Variants in LDB2 observed in about 807,000 individuals in gnomAD.
LDB2 encodes the protein LIM domain-binding protein 2.
A neutral mutation model predicts 44.3 loss-of-function variants in LDB2; 12 were observed. The ratio of observed to expected loss-of-function variants is 0.27; its 90% CI spans 0.17 to 0.44. The LOEUF is 0.44. Among genes scored for constraint, LDB2 ranks in the 20% least tolerant of loss-of-function variants. LDB2 has a pLI of 1.00. For missense variants in LDB2, 344 were observed against 473.5 expected, an observed-to-expected ratio of 0.73 and a Z score of 2.54; for synonymous variants, 164 against 174.8, an observed-to-expected ratio of 0.94 and a Z score of 0.49.
At chr4:16,737,927 C>A (rs1403684458) in intron 2 of LDB2, among the ~76,000 whole-genome samples, 2 of 152,126 alleles carry the variant, frequency 1.3e-5, no homozygotes, top group Non-Finnish European at 2.9e-5. Flanking sequence ...AATGGAGGGA[C>A]TTTAGAATAA....
chr4:16,770,562 G>A (rs944666049), intron 1 of LDB2, among the ~76,000 whole-genome samples: 31 of 152,050 alleles, frequency 2.0e-4, no homozygotes, highest in African/African-American at 6.5e-4. Flanking sequence ...GGAAACTGAG[G>A]CCCCAAGCGG....
intron 7 of LDB2, 27 bp downstream of exon 7, chr4:16,508,508 C>G (rs9993371): frequency 3.7e-4 from 559 of 1,494,800 alleles, no homozygotes; most frequent in Non-Finnish European, 4.7e-4. Context: ...GTTAGGATTT[C>G]GGGCCTAAGA....
At chr4:16,595,934 A>G (rs1391304699) in intron 2 of LDB2, 59 bp from the exon 3 acceptor site, 2 of 1,514,662 alleles carry the variant, frequency 1.3e-6, no homozygotes, top group African/African-American at 1.4e-5. Flanking sequence ...AGCCCCACAC[A>G]CCCAACACCA....
chr4:16,534,404 C>T (rs1357401789), intron 5 of LDB2, among the ~76,000 whole-genome samples: 1 of 152,156 alleles, frequency 6.6e-6, no homozygotes, highest in Non-Finnish European at 1.5e-5. Flanking sequence ...TTTCCATTCC[C>T]CTCCTAAACA....
intron 2 of LDB2, among the ~76,000 whole-genome samples, chr4:16,745,002 C>G (rs1764104760): frequency 6.6e-6 from 1 of 152,158 alleles, no homozygotes; most frequent in African/African-American, 2.4e-5. Context: ...CAGATAGACA[C>G]TATTTTCATT....
At chr4:16,656,678 C>T (rs575184653) in intron 2 of LDB2, among the ~76,000 whole-genome samples, 1 of 152,144 alleles carries the variant, frequency 6.6e-6, no homozygotes, top group Non-Finnish European at 1.5e-5. Flanking sequence ...GTTGAATACA[C>T]ACATGCTTTG....
At chr4:16,737,474 T>G (rs962847712) in intron 2 of LDB2, among the ~76,000 whole-genome samples, 5 of 152,148 alleles carry the variant, frequency 3.3e-5, no homozygotes, top group Non-Finnish European at 7.3e-5. Flanking sequence ...ATTCGATGTG[T>G]ACACAAAAAA....
At chr4:16,600,693 T>G (rs1305021234) in intron 2 of LDB2, among the ~76,000 whole-genome samples, 1 of 152,154 alleles carries the variant, frequency 6.6e-6, no homozygotes, top group Non-Finnish European at 1.5e-5. Flanking sequence ...GTTGTTCTAT[T>G]TTGTTTACAT....
intron 2 of LDB2, among the ~76,000 whole-genome samples, chr4:16,700,517 C>T (rs559293329): frequency 5.5e-4 from 83 of 152,244 alleles, no homozygotes; most frequent in Non-Finnish European, 8.8e-4. Flanking sequence ...TAAAAACATC[C>T]GGTGTGTTTA....
chr4:16,566,482 AAAC>A (rs1744564848), intron 5 of LDB2, among the ~76,000 whole-genome samples: 2 of 152,132 alleles, frequency 1.3e-5, no homozygotes, highest in South Asian at 4.1e-4. Context: ...CTGAGTAACT[AAAC>A]AGTTTCCTCT....
intron 7 of LDB2, chr4:16,505,924 T>C: frequency 6.4e-7 from 1 of 1,551,670 alleles, no homozygotes; most frequent in South Asian, 1.2e-5. Context: ...TGCTGTTGAA[T>C]GACACAGGTC....
intron 2 of LDB2, among the ~76,000 whole-genome samples, chr4:16,707,277 T>G (rs157614): frequency 1.3e-5 from 2 of 151,938 alleles, no homozygotes; most frequent in Non-Finnish European, 2.9e-5. Context: ...TATCTTTCTA[T>G]TATACACATT....
intron 2 of LDB2, among the ~76,000 whole-genome samples, chr4:16,740,665 G>A (rs887062564): frequency 1.3e-5 from 2 of 152,206 alleles, no homozygotes; most frequent in Non-Finnish European, 2.9e-5. Context: ...TTCCATTGGA[G>A]AACTGTGTTC....
chr4:16,651,606 G>A (rs762951171), intron 2 of LDB2, among the ~76,000 whole-genome samples: 9 of 151,150 alleles, frequency 6.0e-5, no homozygotes, highest in South Asian at 2.1e-4. Context: ...TAATGTCTAC[G>A]CTTATAATAA....
intron 1 of LDB2, among the ~76,000 whole-genome samples, chr4:16,846,113 C>CAAAA (rs374522770): frequency 1.8e-5 from 2 of 111,794 alleles, no homozygotes; most frequent in South Asian, 3.1e-4. Flanking sequence ...GACTCTGTCT[C>CAAAA]AAAAAAAAAA....
rs112962985 is a variant in LDB2 at position 16,764,525 on chromosome 4, CAAA to C, written c.133-5268_133-5266del. On this transcript the variant is annotated intron_variant, in intron 1 of 7. Coordinates refer to ENST00000304523, the MANE Select transcript of LDB2 (RefSeq NM_001290.5). ...CCTTATGAGTTATGGACAATCACTA[CAAA>C]AAAAAAAAAAAATCATTCCCTCCAT... Among the ~76,000 whole-genome samples the C allele has an allele frequency of 7.5e-3, 819 of 109,886 alleles. 14 individuals carry two copies. Among genetic ancestry groups the C allele is most frequent in the African/African-American group, 0.021 (749 of 36,338 alleles). The allele number at this position is 109,886 out of a possible 152,430, so 72.1% of individuals were successfully genotyped here. A position where few individuals can be genotyped will look rare whatever the true frequency, so the allele number is the denominator to read the frequency against.
intron 5 of LDB2, among the ~76,000 whole-genome samples, chr4:16,548,950 A>G (rs1736723481): frequency 6.6e-6 from 1 of 152,236 alleles, no homozygotes; most frequent in Admixed American, 6.5e-5. Context: ...CCCAAGACCT[A>G]TGCCTGGAAG....
chr4:16,535,096 G>A (rs747093800), intron 5 of LDB2, among the ~76,000 whole-genome samples: 1 of 152,214 alleles, frequency 6.6e-6, no homozygotes, highest in Non-Finnish European at 1.5e-5. Context: ...TGCATCTGGA[G>A]CAAGGGGCTT....
At chr4:16,504,268 G>T (rs1190210541) in intron 7 of LDB2, among the ~76,000 whole-genome samples, 1 of 152,172 alleles carries the variant, frequency 6.6e-6, no homozygotes, top group Non-Finnish European at 1.5e-5. Context: ...GTGGGATTTT[G>T]AAAGTGTCCA....
Sources: allele counts gnomAD v4.1 joint callset (sites outside exome capture counted in the v4.1 genomes callset), GRCh38; gene constraint gnomAD v4.1.1; transcripts MANE v1.5; gene names NCBI Gene and HGNC (gene_info 2026-07-23, HGNC 2026-07-21).